LYPD5: variants seen among roughly 807,000 people sequenced by gnomAD.
LYPD5 encodes the protein ly6/PLAUR domain-containing protein 5.
Under a neutral mutation model 19.1 loss-of-function variants are expected in LYPD5, and 21 were observed. That is an observed-to-expected ratio of 1.10 (90% CI 0.78 to 1.58). LYPD5 has a LOEUF of 1.58. Among genes scored for constraint, LYPD5 ranks in the 40% most tolerant of loss-of-function variants. The probability of loss-of-function intolerance (pLI) is 0.00; values close to 1 mark genes in which losing one functional copy is unlikely to be tolerated. For synonymous variants in LYPD5, 128 were observed against 142.7 expected (o/e 0.90, Z 0.74); for missense variants, 287 against 329.8 (o/e 0.87, Z 1.00).
At chr19:43,805,799 C>T (rs1307567387), upstream of LYPD5, among the ~76,000 whole-genome samples, 1 of 152,226 alleles carries the variant, frequency 6.6e-6, no homozygotes, top group Non-Finnish European at 1.5e-5. Context: ...TGAACCACCA[C>T]ACCTGGCCTC....
rs141639721 is a variant in LYPD5 at position 43,798,963 on chromosome 19, C to T, written c.219G>A (p.Val73=). 4.1e-5 allele frequency: 65 copies of T among 1,579,658 alleles called. No individual in the cohort carries two copies. The East Asian group carries it at 1.4e-3, about 33-fold the overall frequency. The change falls in exon 3 of 5, where the codon GTG becomes GTA. Residue 73 remains valine (V), a synonymous_variant. Transcript: ENST00000377950. The stretch of plus-strand genomic sequence containing the variant: ...GAGGCCCGGTCCAGCAGCCCTTCCG[C>T]ACCAGGGTCACCGGCGCGCGATACC... ...DTGYRAPVTL[V]RKGCWTGPPA...
At chr19:43,810,347 G>T (rs1224648887) in intron 1 of LYPD5, among the ~76,000 whole-genome samples, 1 of 151,532 alleles carries the variant, frequency 6.6e-6, no homozygotes, top group Non-Finnish European at 1.5e-5. Context: ...ATAGTCGTGT[G>T]TTTTTTTTAG....
At chr19:43,806,597 C>T (rs1025594115), upstream of LYPD5, among the ~76,000 whole-genome samples, 1 of 152,052 alleles carries the variant, frequency 6.6e-6, no homozygotes, top group African/African-American at 2.4e-5. Context: ...GAAGGCGGAG[C>T]TTGTGGTGAG....
At chr19:43,813,887 CA>C (rs1176618467) in intron 1 of LYPD5, among the ~76,000 whole-genome samples, 1 of 152,098 alleles carries the variant, frequency 6.6e-6, no homozygotes, top group Non-Finnish European at 1.5e-5. Flanking sequence ...GGGGTTTCAC[CA>C]TGTTGGCCAG....
At chr19:43,810,180 C>T (rs1241077231) in intron 1 of LYPD5, among the ~76,000 whole-genome samples, 1 of 152,152 alleles carries the variant, frequency 6.6e-6, no homozygotes, top group East Asian at 1.9e-4. Flanking sequence ...ACAGTAGAAT[C>T]ATGGCATCTG....
In LYPD5 at chr19:43,798,512, C is replaced by T. The variant is rs1970168769; in HGVS notation, c.460G>A (p.Val154Ile). Residue 154 changes from valine (V) to isoleucine (I), a missense_variant, in exon 4 of 5, where the codon GTC (valine) becomes ATC (isoleucine). Transcript: ENST00000377950. ...DDCAIGRSRRVQCHQDQTACF... is the reference protein window; with the variant it reads ...DDCAIGRSRRIQCHQDQTACF... ...GCGGTCTGGTCCTGGTGACACTGGA[C>T]TCGTCGGGACCTGCCGATAGCGCAG... 6.2e-7 allele frequency: 1 copy of T among 1,610,046 alleles called. No homozygotes were observed. Among genetic ancestry groups the T allele is most frequent in the Non-Finnish European group, 8.5e-7 (1 of 1,180,010 alleles).
chr19:43,798,247 C>A (rs1198090162), intron 4 of LYPD5, among the ~76,000 whole-genome samples: 1 of 132,468 alleles, frequency 7.5e-6, no homozygotes, highest in Non-Finnish European at 1.6e-5. Flanking sequence ...CCTCCTCCCT[C>A]AGACCAGGGC....
In LYPD5 at chr19:43,802,353, G is replaced by A; in HGVS notation, c.28C>T (p.Leu10=). Residue 10 remains leucine, a synonymous_variant, in exon 1 of 5, where the codon CTG becomes TTG. Coordinates refer to ENST00000377950, the MANE Select transcript of LYPD5 (RefSeq NM_001031749.3). Reference sequence around the variant, plus strand: ...AGCGCAGCCCCAAAGAGGCAGAGCAGAATGACTCTGGGGACCCCCATTGCC... The same window carrying A: ...AGCGCAGCCCCAAAGAGGCAGAGCAAAATGACTCTGGGGACCCCCATTGCC... The part of the protein sequence containing the change: MAMGVPRVI[L]LCLFGAALCL... 1 of 1,551,706 alleles carries A rather than the reference G, an allele frequency of 6.4e-7. No homozygotes were observed. Among genetic ancestry groups the A allele is most frequent in the African/African-American group, 1.4e-5 (1 of 73,166 alleles).
intron 4 of LYPD5, among the ~76,000 whole-genome samples, chr19:43,798,040 CTT>C (rs1970157827): frequency 6.7e-6 from 1 of 149,346 alleles, no homozygotes; most frequent in African/African-American, 2.5e-5. Flanking sequence ...GGCCATGCCT[CTT>C]CCCTCAGACC....
intron 1 of LYPD5, among the ~76,000 whole-genome samples, chr19:43,811,640 C>A (rs1260377038): frequency 2.0e-5 from 3 of 151,140 alleles, no homozygotes; most frequent in Non-Finnish European, 4.4e-5. Flanking sequence ...GAGCAGAGAT[C>A]ACGCCACTGC....
At chr19:43,815,847 C>A in intron 1 of LYPD5, 1 of 307,196 alleles carries the variant, frequency 3.3e-6, no homozygotes. Context: ...AAGCGATTCC[C>A]CTGCCTCAGC....
In LYPD5 at chr19:43,798,316, C is replaced by T. The variant is rs1423101791; in HGVS notation, c.517+139G>A. The T allele has an allele frequency of 9.9e-6, 11 of 1,105,724 alleles. No homozygotes were observed. In the Middle Eastern group the frequency reaches 1.0e-3, roughly 103 times the overall value. 68.5% of individuals were successfully genotyped at this position (1,105,724 alleles called of 1,614,324 possible). ...CTCCCTCAGACCAGGGTCAAACCTTCTCCCTCAGACCAGGGTCATGCCTCC... is the reference window on the plus strand; with the variant it reads ...CTCCCTCAGACCAGGGTCAAACCTTTTCCCTCAGACCAGGGTCATGCCTCC... On this transcript the variant is annotated intron_variant, in intron 4 of 4. Coordinates refer to ENST00000377950, the MANE Select transcript of LYPD5 (RefSeq NM_001031749.3).
At chr19:43,804,823 C>T (rs988081133), upstream of LYPD5, among the ~76,000 whole-genome samples, 3 of 152,168 alleles carry the variant, frequency 2.0e-5, no homozygotes, top group Non-Finnish European at 4.4e-5. Context: ...GATGGTTTTT[C>T]TGAAGCCCCC....
chr19:43,799,788 G>T lies in LYPD5; in HGVS notation c.111C>A (p.Gly37=), dbSNP rs377339530. 5 of 1,613,694 alleles carry T rather than the reference G, an allele frequency of 3.1e-6. No individual in the cohort carries two copies. The highest frequency in any genetic ancestry group is 3.3e-5 in the Admixed American group (2 of 59,992). Reference sequence around the variant, plus strand: ...GCTTCATGGCCCTGAGGTCAAAGGGGCCAAAGTAGGTGTGCTCAAAGCTGT... The same window carrying T: ...GCTTCATGGCCCTGAGGTCAAAGGGTCCAAAGTAGGTGTGCTCAAAGCTGT... ...QCYSFEHTYF[G]PFDLRAMKLP... Residue 37 remains glycine, a synonymous_variant, in exon 2 of 5, where the codon GGC becomes GGA. Coordinates refer to ENST00000377950, the MANE Select transcript of LYPD5 (RefSeq NM_001031749.3).
chr19:43,811,606 G>C (rs956067249), intron 1 of LYPD5, among the ~76,000 whole-genome samples: 3 of 152,000 alleles, frequency 2.0e-5, no homozygotes, highest in African/African-American at 7.3e-5. Context: ...GAATGGCTTG[G>C]ACCTGGAAGG....
At chr19:43,814,773 T>C (rs1970356354) in intron 1 of LYPD5, among the ~76,000 whole-genome samples, 2 of 152,236 alleles carry the variant, frequency 1.3e-5, no homozygotes, top group African/African-American at 2.4e-5. Flanking sequence ...GAGTCTGAGC[T>C]GTCTGTGTGT....
chr19:43,817,531 C>G (rs1046535866), intron 1 of LYPD5, among the ~76,000 whole-genome samples: 1 of 151,924 alleles, frequency 6.6e-6, no homozygotes, highest in Non-Finnish European at 1.5e-5. Flanking sequence ...TTCAATCTAC[C>G]ACATCCACTA....
intron 1 of LYPD5, 65 bp downstream of exon 1, chr19:43,802,252 T>C: frequency 7.3e-7 from 1 of 1,377,418 alleles, no homozygotes; most frequent in Non-Finnish European, 1.0e-6. Flanking sequence ...CAGTCTCTCC[T>C]CCCTCAGATC....
intron 1 of LYPD5, among the ~76,000 whole-genome samples, chr19:43,817,585 T>C (rs889660129): frequency 6.6e-6 from 1 of 152,170 alleles, no homozygotes; most frequent in African/African-American, 2.4e-5. Context: ...GTGAAATGAA[T>C]GGAGGTATGA....
Sources: gnomAD v4.1 joint callset for allele counts (sites outside exome capture counted in the v4.1 genomes callset) on GRCh38, gnomAD v4.1.1 for gene constraint, MANE v1.5 for transcripts, NCBI Gene and HGNC (gene_info 2026-07-23, HGNC 2026-07-21) for gene names.